The following NMNAT3 variants were observed in gnomAD, a reference collection of about 807,000 sequenced individuals.
The protein encoded by NMNAT3 is nicotinamide nucleotide adenylyltransferase 3.
NMNAT3 carries 21 observed loss-of-function variants against 24.8 expected under a neutral mutation model. The ratio of observed to expected loss-of-function variants is 0.85; its 90% confidence interval spans 0.60 to 1.22. NMNAT3 has a LOEUF of 1.22. NMNAT3 is among the 50% of genes most tolerant of loss of function. NMNAT3 has a pLI of 0.00. For synonymous variants in NMNAT3, 136 were observed against 155.2 expected (o/e 0.88, Z 0.92); for missense variants, 387 against 436.6 (o/e 0.89, Z 1.01).
At chr3:139,574,235 C>T (rs1424894548) in intron 5 of NMNAT3, among the ~76,000 whole-genome samples, 1 of 152,242 alleles carries the variant, frequency 6.6e-6, no homozygotes, top group Admixed American at 6.5e-5. Context: ...CCAGGGCTTG[C>T]AGCCAGATGG....
intron 3 of NMNAT3, among the ~76,000 whole-genome samples, chr3:139,603,295 C>T (rs1251051611): frequency 6.6e-6 from 1 of 152,216 alleles, no homozygotes; most frequent in South Asian, 2.1e-4. Flanking sequence ...CAGGACCACA[C>T]TTTGTGAAAT....
At chr3:139,645,224 C>T (rs1395975910) in intron 1 of NMNAT3, among the ~76,000 whole-genome samples, 1 of 152,010 alleles carries the variant, frequency 6.6e-6, no homozygotes, top group African/African-American at 2.4e-5. Flanking sequence ...AAGAAAAATA[C>T]AGCTACCAGA....
intron 2 of NMNAT3, 70 bp from the exon 3 acceptor site, chr3:139,634,717 C>A (rs1311430347): frequency 6.6e-6 from 1 of 152,162 alleles, no homozygotes; most frequent in African/African-American, 2.4e-5. Flanking sequence ...GCAGGCAGCC[C>A]ACTCTTTAGT....
intron 6 of NMNAT3, chr3:139,565,305 T>G (rs865783936): frequency 6.6e-5 from 10 of 152,224 alleles, no homozygotes; most frequent in Admixed American, 2.6e-4. Context: ...AGTGCAAAGA[T>G]TTTTAAAGTC....
chr3:139,675,275 T>G (rs2057893994), intron 1 of NMNAT3, among the ~76,000 whole-genome samples: 1 of 152,100 alleles, frequency 6.6e-6, no homozygotes, highest in African/African-American at 2.4e-5. Flanking sequence ...GTTTGCAAAA[T>G]TAGACTCCAT....
chr3:139,640,318 G>A (rs1400192515), intron 1 of NMNAT3, among the ~76,000 whole-genome samples: 2 of 152,144 alleles, frequency 1.3e-5, no homozygotes, highest in African/African-American at 2.4e-5. Context: ...CTGCTTTCTG[G>A]TTTTAAGAAA....
At chr3:139,595,653 G>A (rs1055609311) in intron 3 of NMNAT3, among the ~76,000 whole-genome samples, 3 of 152,030 alleles carry the variant, frequency 2.0e-5, no homozygotes, top group African/African-American at 4.8e-5. Flanking sequence ...CAGAAATAAC[G>A]CCGCATATCT....
Position 139,583,208 on chromosome 3 carries a change from T to G in NMNAT3, c.110A>C (p.Glu37Ala). The stretch of plus-strand genomic sequence containing the variant: ...AACTTCATGGTCCTTTTCTTCATAT[T>G]CTGGAATACAAGAAAACGTGTAAAT... The change falls in exon 4 of 7, where the codon GAA becomes GCA. Residue 37 changes from glutamate to alanine, a missense_variant and splice_region_variant. Glu to Ala is a moderately radical substitution (Grantham distance 107). Coordinates refer to ENST00000643695, the MANE Select transcript of NMNAT3 (RefSeq NM_001320510.2). The G allele has an allele frequency of 8.3e-7, 1 of 1,199,892 alleles. No homozygotes were observed. Among genetic ancestry groups the G allele is most frequent in the Non-Finnish European group, 1.2e-6 (1 of 806,774 alleles). 74.3% of individuals were successfully genotyped at this position (1,199,892 alleles called of 1,614,324 possible).
chr3:139,572,985 ATT>A (rs1311563713), intron 6 of NMNAT3, among the ~76,000 whole-genome samples: 1 of 152,160 alleles, frequency 6.6e-6, no homozygotes, highest in Non-Finnish European at 1.5e-5. Context: ...GCTTCTGCTT[ATT>A]TGCATGAGAG....
intron 1 of NMNAT3, among the ~76,000 whole-genome samples, chr3:139,676,027 A>G (rs2057918589): frequency 6.6e-6 from 1 of 152,170 alleles, no homozygotes; most frequent in Admixed American, 6.5e-5. Flanking sequence ...TTCCCTTCTC[A>G]TGGGCTGGCA....
chr3:139,618,373 G>A (rs538601535), intron 3 of NMNAT3, among the ~76,000 whole-genome samples: 3 of 152,258 alleles, frequency 2.0e-5, no homozygotes, highest in South Asian at 2.1e-4. Context: ...ATATATTATA[G>A]TGTCTCTGTC....
intron 3 of NMNAT3, among the ~76,000 whole-genome samples, chr3:139,603,266 T>C (rs189937618): frequency 5.9e-5 from 9 of 152,326 alleles, no homozygotes. Flanking sequence ...TATGGATCCC[T>C]CTGCTGGATG....
At chr3:139,635,264 G>A (rs1435182016) in intron 2 of NMNAT3, 1 of 152,162 alleles carries the variant, frequency 6.6e-6, no homozygotes, top group Non-Finnish European at 1.5e-5. Context: ...TACCTATTAG[G>A]CAGCTTGCTC....
At chr3:139,592,218 A>C (rs2054226809) in intron 3 of NMNAT3, among the ~76,000 whole-genome samples, 1 of 152,234 alleles carries the variant, frequency 6.6e-6, no homozygotes, top group South Asian at 2.1e-4. Flanking sequence ...AAAGGGTATC[A>C]GCGATGGAAG....
intron 1 of NMNAT3, among the ~76,000 whole-genome samples, chr3:139,644,376 C>A (rs1403334668): frequency 6.6e-6 from 1 of 152,134 alleles, no homozygotes; most frequent in Non-Finnish European, 1.5e-5. Context: ...TGAGAGAAAA[C>A]AACTTTAAAT....
rs534841644 is a variant in NMNAT3 at position 139,561,285 on chromosome 3, A to C, written c.766T>G (p.Leu256Val). 1.2e-6 allele frequency: 2 copies of C among 1,614,054 alleles called. No homozygotes were observed. Among genetic ancestry groups the C allele is most frequent in the Admixed American group, 3.3e-5 (2 of 60,016 alleles). Reference sequence around the variant, plus strand: ...TGACCTACTCGGCCCACGCACACCAAGCCAAACTTCTCCACTATTTCCTGG... The same window carrying C: ...TGACCTACTCGGCCCACGCACACCACGCCAAACTTCTCCACTATTTCCTGG... Residue 256 changes from leucine to valine, a missense_variant, in exon 7 of 7, where the codon TTG becomes GTG. Transcript: ENST00000643695.
chr3:139,672,212 G>A (rs939611691), intron 1 of NMNAT3, among the ~76,000 whole-genome samples: 7 of 152,154 alleles, frequency 4.6e-5, no homozygotes, highest in African/African-American at 1.7e-4. Flanking sequence ...CTCTGCTTCT[G>A]TAAGGCAGTT....
chr3:139,600,483 T>G (rs1480410232), intron 3 of NMNAT3, among the ~76,000 whole-genome samples: 2 of 152,100 alleles, frequency 1.3e-5, no homozygotes, highest in Non-Finnish European at 2.9e-5. Flanking sequence ...TTTTTTGTAT[T>G]TCTCAGGAGA....
intron 3 of NMNAT3, among the ~76,000 whole-genome samples, chr3:139,608,977 A>T (rs2055069761): frequency 6.6e-6 from 1 of 152,262 alleles, no homozygotes; most frequent in Non-Finnish European, 1.5e-5. Flanking sequence ...AGAAAGTTAC[A>T]GATATTGAAT....
Sources: allele counts gnomAD v4.1 joint callset (sites outside exome capture counted in the v4.1 genomes callset), GRCh38; gene constraint gnomAD v4.1.1; transcripts MANE v1.5; gene names NCBI Gene and HGNC (gene_info 2026-07-23, HGNC 2026-07-21).